TSNARE1: variants seen among roughly 807,000 people sequenced by gnomAD.
The protein encoded by TSNARE1 is t-SNARE domain containing 1.
TSNARE1 carries 49 observed loss-of-function variants against 62.0 expected under a neutral mutation model. The ratio of observed to expected loss-of-function variants is 0.79; its 90% CI spans 0.63 to 1.00. The LOEUF (loss-of-function observed/expected upper bound fraction) is 1.00, where lower values mean the gene tolerates loss of function less well. Ranked by LOEUF, TSNARE1 falls within the 50% of genes least tolerant of loss-of-function variation. The pLI is 0.00. For synonymous variants in TSNARE1, 328 were observed against 294.4 expected (o/e 1.11, Z -1.17); for missense variants, 755 against 700.1 (o/e 1.08, Z -0.88).
intron 3 of TSNARE1, among the ~76,000 whole-genome samples, chr8:142,345,038 C>A (rs951099906): frequency 2.0e-5 from 3 of 152,210 alleles, no homozygotes; most frequent in African/African-American, 4.8e-5. Flanking sequence ...CCGGTGGGGA[C>A]GTGGTGGCCT....
intron 12 of TSNARE1, chr8:142,271,371 C>A (rs1819521025): frequency 8.2e-7 from 1 of 1,217,632 alleles, no homozygotes; most frequent in East Asian, 3.4e-5. Flanking sequence ...TGCTGCTGGG[C>A]CCAGGAGGAC....
intron 12 of TSNARE1, among the ~76,000 whole-genome samples, chr8:142,235,777 G>A (rs1458457290): frequency 6.6e-6 from 1 of 152,192 alleles, no homozygotes; most frequent in African/African-American, 2.4e-5. Flanking sequence ...ATGGCGTTGG[G>A]TCCACTGTCC....
intron 1 of TSNARE1, among the ~76,000 whole-genome samples, chr8:142,375,285 G>T (rs1484697990): frequency 6.6e-6 from 1 of 152,264 alleles, no homozygotes; most frequent in Non-Finnish European, 1.5e-5. Flanking sequence ...GAGGACAGGG[G>T]TGCACACCCA....
rs1220196239 is a variant in TSNARE1 at position 142,217,254 on chromosome 8, T to TAATAA, written c.*12-4946_*12-4942dup. ...GCAAGACTCTGTCTCAAAAATAAAA[T>TAATAA]AATAAAATAAAATAAAATAATAAAA... On this transcript the variant is annotated intron_variant, in intron 13 of 13. Coordinates refer to ENST00000524325, the MANE Select transcript of TSNARE1 (RefSeq NM_145003.5). Among the ~76,000 whole-genome samples, 98 of 113,330 alleles carry TAATAA rather than the reference T, an allele frequency of 8.6e-4. 1 individual carries two copies. The Middle Eastern group carries it at 0.019, about 22-fold the overall frequency. The allele number at this position is 113,330 out of a possible 152,430, so 74.3% of individuals were successfully genotyped here.
At chr8:142,297,610 T>C (rs1390529281) in intron 10 of TSNARE1, among the ~76,000 whole-genome samples, 4 of 152,106 alleles carry the variant, frequency 2.6e-5, no homozygotes, top group Admixed American at 2.0e-4. Flanking sequence ...CCGAGGTGCG[T>C]AACACAGCTC....
At chr8:142,254,623 C>T (rs1224702864) in intron 12 of TSNARE1, among the ~76,000 whole-genome samples, 1 of 152,194 alleles carries the variant, frequency 6.6e-6, no homozygotes, top group Admixed American at 6.5e-5. Context: ...CTTCCTCCCC[C>T]ACCATGCTGG....
At chr8:142,271,550 G>A (rs987775897) in intron 12 of TSNARE1, 13 of 1,387,068 alleles carry the variant, frequency 9.4e-6, no homozygotes, top group African/African-American at 4.5e-5. Context: ...GGTGGAGGCT[G>A]GGGAAGCAGG....
chr8:142,357,977 A>G (rs998567154), intron 1 of TSNARE1, among the ~76,000 whole-genome samples: 12 of 150,118 alleles, frequency 8.0e-5, no homozygotes, highest in Non-Finnish European at 1.8e-4. Context: ...GTTTCAGGAC[A>G]AGGGGAGCAG....
chr8:142,234,469 A>G (rs1016748759), intron 12 of TSNARE1, among the ~76,000 whole-genome samples: 1 of 150,526 alleles, frequency 6.6e-6, no homozygotes, highest in African/African-American at 2.5e-5. Flanking sequence ...GACCCCAACC[A>G]TGGGTTCAGG....
upstream of TSNARE1, chr8:142,404,023 C>A (rs1838500206): frequency 6.6e-6 from 1 of 152,288 alleles, no homozygotes; most frequent in Non-Finnish European, 1.5e-5. Context: ...AAGAGTCACA[C>A]CCAAGGCAGG....
At chr8:142,282,638 C>T (rs796885670) in intron 11 of TSNARE1, among the ~76,000 whole-genome samples, 6 of 86,270 alleles carry the variant, frequency 7.0e-5, no homozygotes, top group Non-Finnish European at 6.6e-5. Context: ...TGAGCAGAGG[C>T]GGGGCCAGTG....
At chr8:142,240,566 G>C (rs1817632210) in intron 12 of TSNARE1, among the ~76,000 whole-genome samples, 1 of 152,090 alleles carries the variant, frequency 6.6e-6, no homozygotes, top group South Asian at 2.1e-4. Flanking sequence ...GGCACAAATG[G>C]AACATTTACA....
At chr8:142,316,877 A>G (rs752944737) in intron 7 of TSNARE1, among the ~76,000 whole-genome samples, 12 of 151,892 alleles carry the variant, frequency 7.9e-5, no homozygotes, top group Non-Finnish European at 1.5e-4. Context: ...TATTTTCCAC[A>G]GGGAGGGCGG....
intron 11 of TSNARE1, chr8:142,277,194 G>A (rs1820642015): frequency 2.0e-6 from 2 of 985,344 alleles, no homozygotes; most frequent in Non-Finnish European, 2.4e-6. Flanking sequence ...CCAACACAGG[G>A]GGTGCTCCAC....
intron 9 of TSNARE1, among the ~76,000 whole-genome samples, chr8:142,303,623 C>T (rs190696943): frequency 3.3e-5 from 5 of 152,224 alleles, no homozygotes; most frequent in Non-Finnish European, 4.4e-5. Context: ...CAAATACAGA[C>T]AGATGAACCC....
intron 1 of TSNARE1, among the ~76,000 whole-genome samples, chr8:142,379,247 T>C (rs960829161): frequency 1.3e-5 from 2 of 152,214 alleles, no homozygotes; most frequent in Admixed American, 6.5e-5. Flanking sequence ...AGACCGTCCG[T>C]CACGGAGTAG....
At chr8:142,245,337 C>T (rs1172740787) in intron 12 of TSNARE1, among the ~76,000 whole-genome samples, 2 of 152,010 alleles carry the variant, frequency 1.3e-5, no homozygotes, top group African/African-American at 2.4e-5. Context: ...GAGCTGGAGA[C>T]ATGCTCGTCA....
intron 12 of TSNARE1, among the ~76,000 whole-genome samples, chr8:142,262,163 C>A (rs1184257980): frequency 6.6e-6 from 1 of 152,226 alleles, no homozygotes; most frequent in African/African-American, 2.4e-5. Context: ...CTTCTTCTTC[C>A]AGGTGGCATG....
At chr8:142,263,274 A>G (rs1013907126) in intron 12 of TSNARE1, among the ~76,000 whole-genome samples, 1 of 152,228 alleles carries the variant, frequency 6.6e-6, no homozygotes, top group Non-Finnish European at 1.5e-5. Context: ...AATGGCAATC[A>G]TCTGCTTTTT....
Sources: allele counts gnomAD v4.1 joint callset (sites outside exome capture counted in the v4.1 genomes callset), GRCh38; gene constraint gnomAD v4.1.1; transcripts MANE v1.5; gene names NCBI Gene and HGNC (gene_info 2026-07-23, HGNC 2026-07-21).